LGMN: variants seen among roughly 807,000 people sequenced by gnomAD.
LGMN encodes the protein legumain.
LGMN carries 36 observed loss-of-function variants against 56.8 expected under a neutral mutation model. The ratio of observed to expected loss-of-function variants is 0.63; its 90% CI spans 0.49 to 0.84. LGMN has a LOEUF of 0.84. Ranked by LOEUF, LGMN falls within the 40% of genes least tolerant of loss-of-function variation. The pLI is 0.00. For synonymous variants in LGMN, 199 were observed against 210.1 expected, an observed-to-expected ratio of 0.95 and a Z score of 0.46; for missense variants, 446 against 556.1, an observed-to-expected ratio of 0.80 and a Z score of 1.99.
intron 11 of LGMN, among the ~76,000 whole-genome samples, chr14:92,707,555 C>T (rs139300051): frequency 9.2e-5 from 14 of 152,320 alleles, no homozygotes; most frequent in African/African-American, 3.4e-4. Flanking sequence ...CTAGCAATGC[C>T]GGACACAAAA....
Position 92,719,248 on chromosome 14 carries a change from ACCACCACCACCGCCACCGCCGCCGCCGC to A in LGMN, c.139-432_139-405del, listed in dbSNP as rs1566924109. Among the ~76,000 whole-genome samples the A allele has an allele frequency of 2.1e-3, 48 of 22,518 alleles. 1 individual carries two copies. Among genetic ancestry groups the A allele is most frequent in the African/African-American group, 8.6e-3 (47 of 5,468 alleles). The allele number at this position is 22,518 out of a possible 152,430, so 14.8% of individuals were successfully genotyped here. ...CACCACCGCCACCGCCACCACCGCC[ACCACCACCACCGCCACCGCCGCCGCCGC>A]CACCGCCGCCGCCGCCGCCGCCGCC... On this transcript the variant is annotated intron_variant, in intron 2 of 13. Transcript: ENST00000334869.
At chr14:92,707,877 T>G (rs1253528979) in intron 11 of LGMN, among the ~76,000 whole-genome samples, 1 of 152,136 alleles carries the variant, frequency 6.6e-6, no homozygotes, top group East Asian at 1.9e-4. Flanking sequence ...CTGAGCCAGG[T>G]GCGGTGCCTC....
Position 92,709,808 on chromosome 14 carries a change from G to A in LGMN, c.884C>T (p.Pro295Leu), listed in dbSNP as rs200318849. The change falls in exon 11 of 14, where the codon CCC (proline) becomes CTC (leucine). Residue 295 changes from proline to leucine, a missense_variant. Pro to Leu is a moderately conservative substitution (Grantham distance 98). Transcript: ENST00000334869. ...GMKRKASSPV[P>L]LPPVTHLDLT... ...GTCAAGGTGTGTGACTGGAGGTAGG[G>A]GGACGGGAGAACTGGCTTTGCGTTT... is the stretch of plus-strand genomic sequence containing the variant. The A allele has an allele frequency of 8.6e-5, 138 of 1,613,914 alleles. No homozygotes were observed. The highest frequency in any genetic ancestry group is 1.0e-4 in the Non-Finnish European group (123 of 1,179,944).
intron 1 of LGMN, among the ~76,000 whole-genome samples, chr14:92,736,894 A>C (rs912809393): frequency 6.6e-6 from 1 of 152,220 alleles, no homozygotes; most frequent in Non-Finnish European, 1.5e-5. Flanking sequence ...AAGAAGCAAC[A>C]GTGAGGACAG....
intron 3 of LGMN, among the ~76,000 whole-genome samples, chr14:92,718,322 C>T (rs1449652376): frequency 6.6e-6 from 1 of 152,134 alleles, no homozygotes; most frequent in Non-Finnish European, 1.5e-5. Context: ...ATCTGTAATC[C>T]CAGCATTTTG....
At chr14:92,722,482 C>T (rs1436579961) in intron 2 of LGMN, among the ~76,000 whole-genome samples, 2 of 152,030 alleles carry the variant, frequency 1.3e-5, no homozygotes, top group East Asian at 3.9e-4. Flanking sequence ...ACTCGGGAGG[C>T]TGAGGCAGGA....
intron 1 of LGMN, among the ~76,000 whole-genome samples, chr14:92,742,412 G>A (rs777448644): frequency 4.7e-5 from 7 of 149,090 alleles, no homozygotes; most frequent in African/African-American, 1.7e-4. Context: ...ATTCTCATGC[G>A]TCAGCCTCCA....
At position 92,736,051 on chromosome 14, in the gene LGMN, T is replaced by C. The variant is rs569572451; in HGVS notation, c.-29-3236A>G. Among the ~76,000 whole-genome samples the C allele has an allele frequency of 2.0e-5, 3 of 152,270 alleles. No individual in the cohort carries two copies. The East Asian group carries it at 5.8e-4, about 29-fold the overall frequency. Reference sequence around the variant, plus strand: ...AATTTGGGGCAAGTCCACAGAATAATGTGCAAGCAAGCTTATTCAGCAAGT... The same window carrying C: ...AATTTGGGGCAAGTCCACAGAATAACGTGCAAGCAAGCTTATTCAGCAAGT... On this transcript the variant is annotated intron_variant, in intron 1 of 13. Transcript: ENST00000334869.
intron 2 of LGMN, among the ~76,000 whole-genome samples, chr14:92,728,097 T>C (rs922397517): frequency 1.3e-5 from 2 of 152,202 alleles, no homozygotes; most frequent in African/African-American, 4.8e-5. Flanking sequence ...GTGAGTATCA[T>C]AGAATGTATT....
At chr14:92,717,648 C>A (rs964425206) in intron 3 of LGMN, among the ~76,000 whole-genome samples, 187 bp from the exon 4 acceptor site, 4 of 152,136 alleles carry the variant, frequency 2.6e-5, no homozygotes. Flanking sequence ...GTCCCACAGC[C>A]CAAGAGCTCT....
At chr14:92,723,661 C>T (rs1890599371) in intron 2 of LGMN, among the ~76,000 whole-genome samples, 1 of 152,130 alleles carries the variant, frequency 6.6e-6, no homozygotes, top group Non-Finnish European at 1.5e-5. Flanking sequence ...TCAGAATAAA[C>T]AAATCTATAG....
intron 1 of LGMN, among the ~76,000 whole-genome samples, chr14:92,738,787 G>A (rs1169826511): frequency 2.0e-5 from 3 of 151,790 alleles, no homozygotes; most frequent in African/African-American, 4.8e-5. Context: ...TTGGGAGGCC[G>A]AGGTGGGCAG....
At chr14:92,746,427 C>CA (rs1283891343) in intron 1 of LGMN, among the ~76,000 whole-genome samples, 37 of 152,290 alleles carry the variant, frequency 2.4e-4, no homozygotes, top group African/African-American at 7.9e-4. Flanking sequence ...CCTCAAGAGA[C>CA]AGAGTTTACT....
At chr14:92,729,116 G>C (rs991421795) in intron 2 of LGMN, among the ~76,000 whole-genome samples, 1 of 149,378 alleles carries the variant, frequency 6.7e-6, no homozygotes, top group Admixed American at 6.7e-5. Flanking sequence ...ACTTCCACCT[G>C]CTCAGCTTTT....
intron 13 of LGMN, 123 bp downstream of exon 13, chr14:92,704,517 G>C (rs1335995360): frequency 1.9e-6 from 2 of 1,074,700 alleles, no homozygotes; most frequent in African/African-American, 3.1e-5. Context: ...ACAAATGGCT[G>C]TAGAGGAAAG....
Position 92,704,022 on chromosome 14 carries a change from T to C in LGMN, c.*297A>G. On this transcript the variant is annotated 3_prime_UTR_variant, in exon 14 of 14. Coordinates refer to ENST00000334869, the MANE Select transcript of LGMN (RefSeq NM_005606.7). ...TTGAGAGGGGCTACAGAAGCCCCCA[T>C]GAGCTTCCTGCTCCTCAAAACTAAC... 1 of 688,158 alleles carries C rather than the reference T, an allele frequency of 1.5e-6. No individual in the cohort carries two copies. The highest frequency in any genetic ancestry group is 2.6e-6 in the Non-Finnish European group (1 of 379,754). 42.6% of individuals were successfully genotyped at this position (688,158 alleles called of 1,614,324 possible).
rs756259014 is a variant in LGMN, at chr14:92,742,292, C to CTTTT, written c.-30+6193_-30+6196dup. Among the ~76,000 whole-genome samples the CTTTT allele has an allele frequency of 6.3e-4, 53 of 83,992 alleles. 5 individuals are homozygous for CTTTT. The highest frequency in any genetic ancestry group is 7.6e-4 in the Non-Finnish European group (36 of 47,330). 55.1% of individuals were successfully genotyped at this position (83,992 alleles called of 152,430 possible). A position where few individuals can be genotyped will look rare whatever the true frequency, so the allele number is the denominator to read the frequency against. ...AAATGTCTTGCTGTTTTTTGTTTTG[C>CTTTT]TTTTTTTTTTTTTCTTTTTTTTTGA... is the stretch of plus-strand genomic sequence containing the variant. On this transcript the variant is annotated intron_variant, in intron 1 of 13. Transcript: ENST00000334869.
chr14:92,703,860 T>C lies in LGMN; in HGVS notation c.*459A>G, dbSNP rs1406854680. 3 of 378,604 alleles carry C rather than the reference T, an allele frequency of 7.9e-6. No homozygotes were observed. Among genetic ancestry groups the C allele is most frequent in the African/African-American group, 6.4e-5 (3 of 47,162 alleles). 23.5% of individuals were successfully genotyped at this position (378,604 alleles called of 1,614,324 possible). A position where few individuals can be genotyped will look rare whatever the true frequency, so the allele number is the denominator to read the frequency against. ...TTTTAAGACTTGAACACCTGCAGAATTAAATACAAAAGCAATCAAAAATCA... is the reference window on the plus strand; with the variant it reads ...TTTTAAGACTTGAACACCTGCAGAACTAAATACAAAAGCAATCAAAAATCA... On this transcript the variant is annotated 3_prime_UTR_variant, in exon 14 of 14. Transcript: ENST00000334869.
intron 11 of LGMN, among the ~76,000 whole-genome samples, chr14:92,708,881 A>AAAAAAAAAAC (rs1889587964): frequency 6.8e-6 from 1 of 146,402 alleles, no homozygotes; most frequent in East Asian, 2.1e-4. Context: ...AAAAAAAAAA[A>AAAAAAAAAAC]TCTTGCCTAG....
Sources: gnomAD v4.1 joint callset for allele counts (sites outside exome capture counted in the v4.1 genomes callset) on GRCh38, gnomAD v4.1.1 for gene constraint, MANE v1.5 for transcripts, NCBI Gene and HGNC (gene_info 2026-07-23, HGNC 2026-07-21) for gene names.